The following METTL15 variants were observed in gnomAD, a reference collection of about 807,000 sequenced individuals.
METTL15 encodes 12S rRNA N(4)-cytidine methyltransferase METTL15.
A neutral mutation model predicts 38.3 loss-of-function variants in METTL15; 34 were observed. The observed-to-expected ratio is 0.89, with a 90% CI of 0.68 to 1.18. The LOEUF is 1.18. METTL15 is among the 50% of genes most tolerant of loss of function. METTL15 has a pLI of 0.00. For synonymous variants in METTL15, 162 were observed against 170.9 expected (o/e 0.95, Z 0.41); for missense variants, 438 against 498.4 (o/e 0.88, Z 1.15).
chr11:28,268,196 CAAAAAAA>C (rs71050954), intron 4 of METTL15, among the ~76,000 whole-genome samples: 14 of 64,164 alleles, frequency 2.2e-4, no homozygotes, highest in Admixed American at 1.3e-3. Context: ...GACTCCGTCT[CAAAAAAA>C]AAAAAAAAAA....
intron 4 of METTL15, among the ~76,000 whole-genome samples, chr11:28,282,307 G>C (rs941767818): frequency 6.6e-6 from 1 of 152,022 alleles, no homozygotes; most frequent in Non-Finnish European, 1.5e-5. Context: ...ATCACCAACC[G>C]ACACTGCATG....
intron 4 of METTL15, among the ~76,000 whole-genome samples, chr11:28,359,303 T>G (rs538632790): frequency 1.3e-5 from 2 of 152,252 alleles, no homozygotes; most frequent in African/African-American, 4.8e-5. Context: ...ATGATGTGTA[T>G]GTACCATGTT....
intron 6 of METTL15, among the ~76,000 whole-genome samples, chr11:28,323,973 G>A (rs993025897): frequency 6.6e-6 from 1 of 152,156 alleles, no homozygotes. Flanking sequence ...GCCAAATAAT[G>A]TCTCAAAATT....
intron 3 of METTL15, among the ~76,000 whole-genome samples, chr11:28,340,730 A>G (rs1158369388): frequency 6.6e-6 from 1 of 152,200 alleles, no homozygotes; most frequent in African/African-American, 2.4e-5. Context: ...GTGGGAGTGT[A>G]AATTAGTTCA....
chr11:28,334,104 T>C (rs966161073), downstream of METTL15, among the ~76,000 whole-genome samples: 3 of 151,924 alleles, frequency 2.0e-5, no homozygotes, highest in Admixed American at 1.3e-4. Context: ...TATATGTATA[T>C]ATGTACTCAA....
intron 3 of METTL15, among the ~76,000 whole-genome samples, chr11:28,141,603 C>T (rs553125485): frequency 3.9e-5 from 6 of 152,146 alleles, no homozygotes; most frequent in Admixed American, 3.3e-4. Context: ...TTGGGAGGAT[C>T]GCTTGATCTG....
At chr11:28,142,646 C>G (rs115273092) in intron 3 of METTL15, among the ~76,000 whole-genome samples, 5,008 of 152,060 alleles carry the variant, frequency 0.033, 278 homozygotes, top group African/African-American at 0.11. Flanking sequence ...GTGTAGACAG[C>G]AAGGATGTAT....
intron 6 of METTL15, among the ~76,000 whole-genome samples, chr11:28,324,793 A>G (rs1849578092): frequency 1.3e-5 from 2 of 152,216 alleles, no homozygotes; most frequent in Admixed American, 1.3e-4. Flanking sequence ...ATTACAACAA[A>G]TGCCATGCCG....
At chr11:28,435,701 G>T (rs1850976551) in intron 6 of METTL15, among the ~76,000 whole-genome samples, 1 of 152,148 alleles carries the variant, frequency 6.6e-6, no homozygotes, top group Admixed American at 6.6e-5. Context: ...TAAAAACATT[G>T]TGAATTCCTA....
chr11:28,285,012 T>C (rs1429659858), intron 4 of METTL15, among the ~76,000 whole-genome samples: 1 of 152,158 alleles, frequency 6.6e-6, no homozygotes, highest in African/African-American at 2.4e-5. Context: ...GTTCTGGTGA[T>C]AGTGAGTGAG....
chr11:28,507,215 T>C (rs1215132260), intron 6 of METTL15, among the ~76,000 whole-genome samples: 1 of 152,166 alleles, frequency 6.6e-6, no homozygotes, highest in African/African-American at 2.4e-5. Flanking sequence ...CTGCAGGCTG[T>C]ACAGGAAGCA....
At chr11:28,168,646 G>A (rs1850743972) in intron 3 of METTL15, among the ~76,000 whole-genome samples, 1 of 139,978 alleles carries the variant, frequency 7.1e-6, no homozygotes, top group Admixed American at 7.3e-5. Context: ...GCCCTGTGAT[G>A]CTTTTTGTTA....
intron 6 of METTL15, among the ~76,000 whole-genome samples, chr11:28,496,980 A>C (rs1290822901): frequency 6.6e-6 from 1 of 152,154 alleles, no homozygotes; most frequent in African/African-American, 2.4e-5. Context: ...CACCGCATTC[A>C]GGTTTGGCAT....
intron 5 of METTL15, among the ~76,000 whole-genome samples, chr11:28,364,267 T>C (rs994510107): frequency 5.3e-5 from 8 of 152,238 alleles, no homozygotes; most frequent in Non-Finnish European, 1.2e-4. Flanking sequence ...TAAATTACTT[T>C]GGACAGTGTG....
intron 6 of METTL15, among the ~76,000 whole-genome samples, chr11:28,448,512 A>G (rs972724072): frequency 6.6e-6 from 1 of 152,176 alleles, no homozygotes; most frequent in Non-Finnish European, 1.5e-5. Context: ...TGGGACCATC[A>G]TGCCCCATCA....
rs549825321 is a variant in METTL15, at chr11:28,511,870, A to C, written c.*425-14608A>C. 2.6e-5 allele frequency among the ~76,000 whole-genome samples: 4 copies of C among 152,184 alleles called. No individual in the cohort carries two copies. The East Asian group carries it at 5.8e-4, about 22-fold the overall frequency. ...TCTGGCAGCCTGCTTTTATTCTCTT[A>C]TCTGGCCCCACCCACATCCTGCTGA... On this transcript the variant is annotated intron_variant and NMD_transcript_variant, in intron 6 of 7. Transcript: ENST00000532947.
intron 3 of METTL15, among the ~76,000 whole-genome samples, chr11:28,345,699 G>A (rs557886838): frequency 4.6e-5 from 7 of 152,154 alleles, no homozygotes; most frequent in Non-Finnish European, 7.4e-5. Context: ...GATTTGGTGC[G>A]CCAACAAGAC....
At chr11:28,136,471 C>G (rs1174241705) in intron 3 of METTL15, among the ~76,000 whole-genome samples, 1 of 152,092 alleles carries the variant, frequency 6.6e-6, no homozygotes, top group Non-Finnish European at 1.5e-5. Flanking sequence ...AAACCTCTTT[C>G]CTTTATAAAT....
At chr11:28,127,404 A>G (rs1852538593) in intron 3 of METTL15, among the ~76,000 whole-genome samples, 1 of 151,406 alleles carries the variant, frequency 6.6e-6, no homozygotes, top group South Asian at 2.1e-4. Flanking sequence ...GGAGAAGGGA[A>G]GTCTGAGATC....
Sources: allele counts gnomAD v4.1 joint callset (sites outside exome capture counted in the v4.1 genomes callset), GRCh38; gene constraint gnomAD v4.1.1; transcripts MANE v1.5; gene names NCBI Gene and HGNC (gene_info 2026-07-23, HGNC 2026-07-21).